The following KCNH1 variants were observed in gnomAD, a reference collection of about 807,000 sequenced individuals.
KCNH1 encodes the protein potassium voltage-gated channel subfamily H member 1, also known as voltage-gated delayed rectifier potassium channel KCNH1.
Under a neutral mutation model 69.2 loss-of-function variants are expected in KCNH1, and 27 were observed. That is an observed-to-expected ratio of 0.39 (90% CI 0.29 to 0.54). The LOEUF (loss-of-function observed/expected upper bound fraction) is 0.54. Among genes scored for constraint, KCNH1 ranks in the 20% least tolerant of loss-of-function variants. KCNH1 has a pLI of 0.68. For synonymous variants in KCNH1, 456 were observed against 487.7 expected, an observed-to-expected ratio of 0.93 and a Z score of 0.86; for missense variants, 798 against 1,261.6, an observed-to-expected ratio of 0.63 and a Z score of 5.57.
At chr1:211,052,118 A>T (rs867601908) in intron 5 of KCNH1, among the ~76,000 whole-genome samples, 1 of 152,238 alleles carries the variant, frequency 6.6e-6, no homozygotes, top group African/African-American at 2.4e-5. Flanking sequence ...AAAGTTTATT[A>T]AAACATAATA....
At chr1:211,038,252 C>A (rs979127464) in intron 5 of KCNH1, among the ~76,000 whole-genome samples, 1 of 152,146 alleles carries the variant, frequency 6.6e-6, no homozygotes, top group Non-Finnish European at 1.5e-5. Flanking sequence ...TGAGCCACCA[C>A]ACCCAGCCAC....
At chr1:210,986,137 T>C (rs1416425059) in intron 6 of KCNH1, among the ~76,000 whole-genome samples, 1 of 152,228 alleles carries the variant, frequency 6.6e-6, no homozygotes, top group Non-Finnish European at 1.5e-5. Flanking sequence ...ATTTGCTTAG[T>C]AGATCTTCCT....
intron 10 of KCNH1, among the ~76,000 whole-genome samples, chr1:210,690,322 T>G (rs565805973): frequency 3.9e-5 from 6 of 152,302 alleles, no homozygotes; most frequent in African/African-American, 7.2e-5. Context: ...ACACACTGTA[T>G]AGCTCCTTGC....
At chr1:211,067,069 C>A (rs1373471285) in intron 5 of KCNH1, among the ~76,000 whole-genome samples, 1 of 152,170 alleles carries the variant, frequency 6.6e-6, no homozygotes, top group Non-Finnish European at 1.5e-5. Context: ...CCGCAGTAAT[C>A]CCATGGAGAG....
chr1:210,753,380 A>T (rs939135691), intron 10 of KCNH1, among the ~76,000 whole-genome samples: 4 of 152,228 alleles, frequency 2.6e-5, no homozygotes, highest in Admixed American at 6.5e-5. Context: ...CACTCAAATA[A>T]GGTGGAAACT....
At chr1:210,698,380 G>A (rs1681692136) in intron 10 of KCNH1, among the ~76,000 whole-genome samples, 1 of 152,144 alleles carries the variant, frequency 6.6e-6, no homozygotes, top group Non-Finnish European at 1.5e-5. Flanking sequence ...AGCCAAAGTG[G>A]GTTCCTAGTC....
At chr1:210,901,000 A>G (rs2102535551) in intron 7 of KCNH1, among the ~76,000 whole-genome samples, 1 of 152,212 alleles carries the variant, frequency 6.6e-6, no homozygotes, top group Non-Finnish European at 1.5e-5. Flanking sequence ...TTCAATTAAC[A>G]TCTGGACCTA....
chr1:211,002,267 C>T (rs1003791501), intron 6 of KCNH1, among the ~76,000 whole-genome samples: 4 of 147,300 alleles, frequency 2.7e-5, no homozygotes, highest in South Asian at 2.2e-4. Context: ...TACACACACA[C>T]ACATATATAT....
At chr1:210,937,967 T>C (rs1687803805) in intron 6 of KCNH1, among the ~76,000 whole-genome samples, 1 of 152,230 alleles carries the variant, frequency 6.6e-6, no homozygotes, top group Admixed American at 6.5e-5. Context: ...ATCTATTCAC[T>C]AATGACCTGC....
intron 7 of KCNH1, among the ~76,000 whole-genome samples, chr1:210,819,370 CATT>C (rs1165418474): frequency 1.3e-5 from 2 of 152,042 alleles, no homozygotes; most frequent in African/African-American, 4.8e-5. Flanking sequence ...TCAGAAAGGT[CATT>C]ATTCTTCAGG....
intron 10 of KCNH1, among the ~76,000 whole-genome samples, chr1:210,714,000 G>A (rs1483228450): frequency 6.6e-6 from 1 of 152,166 alleles, no homozygotes; most frequent in Non-Finnish European, 1.5e-5. Context: ...CTAAACCAAA[G>A]GGTATGAATA....
intron 10 of KCNH1, among the ~76,000 whole-genome samples, chr1:210,702,776 G>A (rs1235199788): frequency 6.6e-6 from 1 of 152,108 alleles, no homozygotes; most frequent in Non-Finnish European, 1.5e-5. Context: ...CTTGGGCTTT[G>A]CAAGAGAAAA....
In KCNH1 at chr1:211,041,652, A is replaced by T. The variant is rs184424899; in HGVS notation, c.559-22396T>A. ...TTTATATCAGACTCCATCAGACTTCAAATAAGATCTACATTCTTGCTGTGA... is the reference window on the plus strand; with the variant it reads ...TTTATATCAGACTCCATCAGACTTCTAATAAGATCTACATTCTTGCTGTGA... On this transcript the variant is annotated intron_variant, in intron 5 of 10. Transcript: ENST00000271751. 1.9e-4 allele frequency among the ~76,000 whole-genome samples: 29 copies of T among 152,122 alleles called. No homozygotes were observed. The East Asian group carries it at 5.2e-3, about 27-fold the overall frequency.
In KCNH1 at chr1:210,742,641, AG is replaced by A. The variant is rs1683059022; in HGVS notation, c.2112+32706del. Among the ~76,000 whole-genome samples the A allele has an allele frequency of 2.6e-5, 4 of 152,336 alleles. No homozygotes were observed. The South Asian group carries it at 8.3e-4, about 32-fold the overall frequency. On this transcript the variant is annotated intron_variant, in intron 10 of 10. Transcript: ENST00000271751. ...CCCAGAAAAGAATGATAAATTCAAA[AG>A]GCCCTGCTATGTCCCTAGTGCCGCA...
chr1:210,983,665 G>A (rs1688761978), intron 6 of KCNH1, among the ~76,000 whole-genome samples: 1 of 152,282 alleles, frequency 6.6e-6, no homozygotes, highest in Admixed American at 6.5e-5. Flanking sequence ...TGCTGTTTTG[G>A]TTACTGTAGC....
intron 5 of KCNH1, among the ~76,000 whole-genome samples, chr1:211,022,281 G>C (rs994064610): frequency 1.3e-5 from 2 of 152,076 alleles, no homozygotes; most frequent in African/African-American, 4.8e-5. Context: ...ATATGCAGAA[G>C]AATGAAATTA....
chr1:210,840,434 C>A (rs938562928), intron 7 of KCNH1, among the ~76,000 whole-genome samples: 1 of 152,294 alleles, frequency 6.6e-6, no homozygotes, highest in African/African-American at 2.4e-5. Context: ...CCATGAGGAA[C>A]AACTGACTGG....
chr1:210,747,554 A>G (rs1319577368), intron 10 of KCNH1, among the ~76,000 whole-genome samples: 2 of 151,736 alleles, frequency 1.3e-5, no homozygotes, highest in African/African-American at 2.4e-5. Flanking sequence ...TTACTGGAAG[A>G]TTTAATGAGC....
Position 211,017,966 on chromosome 1 carries a change from A to T in KCNH1, c.1032+817T>A, listed in dbSNP as rs145860341. 2.6e-5 allele frequency among the ~76,000 whole-genome samples: 4 copies of T among 152,168 alleles called. No homozygotes were observed. In the East Asian group the frequency reaches 7.7e-4, roughly 29 times the overall value. On this transcript the variant is annotated intron_variant, in intron 6 of 10. Coordinates refer to ENST00000271751, the MANE Select transcript of KCNH1 (RefSeq NM_172362.3). ...GTATATTAATGTCCTCTCTGGGGGA[A>T]GTGGGGTGGTGAGTGGATTCTCACT...
Sources: gnomAD v4.1 joint callset for allele counts (sites outside exome capture counted in the v4.1 genomes callset) on GRCh38, gnomAD v4.1.1 for gene constraint, MANE v1.5 for transcripts, NCBI Gene and HGNC (gene_info 2026-07-23, HGNC 2026-07-21) for gene names.